The following YY1 variants were observed in gnomAD, a reference collection of about 807,000 sequenced individuals.
YY1 encodes transcriptional repressor protein YY1.
Under a neutral mutation model 35.6 loss-of-function variants are expected in YY1, and 2 were observed. That is an observed-to-expected ratio of 0.06 (90% CI 0.02 to 0.18). The LOEUF is 0.18. YY1 is among the 10% of genes least tolerant of loss of function. The pLI is 1.00. For synonymous variants in YY1, 268 were observed against 238.9 expected, an observed-to-expected ratio of 1.12 and a Z score of -1.12; for missense variants, 322 against 573.4, an observed-to-expected ratio of 0.56 and a Z score of 4.48.
intron 1 of YY1, among the ~76,000 whole-genome samples, chr14:100,259,264 G>T (rs1467491044): frequency 1.3e-5 from 2 of 152,012 alleles, no homozygotes; most frequent in African/African-American, 4.8e-5. Flanking sequence ...CAGGCACTGT[G>T]GCTCCCAGCA....
intron 1 of YY1, among the ~76,000 whole-genome samples, chr14:100,242,692 G>A (rs1322933916): frequency 6.6e-6 from 1 of 151,848 alleles, no homozygotes; most frequent in Admixed American, 6.6e-5. Flanking sequence ...CCAGCCAAGT[G>A]GCTGCTTTTA....
intron 1 of YY1, among the ~76,000 whole-genome samples, chr14:100,250,588 T>A (rs1012672517): frequency 6.6e-6 from 1 of 152,310 alleles, no homozygotes; most frequent in African/African-American, 2.4e-5. Flanking sequence ...TCATCTGATA[T>A]TAATTCTGAG....
In YY1 at chr14:100,279,723, T is replaced by C. The variant is rs1032815211; in HGVS notation, c.*2123T>C. The C allele has an allele frequency of 6.6e-6, 1 of 152,540 alleles. No individual in the cohort carries two copies. Among genetic ancestry groups the C allele is most frequent in the Non-Finnish European group, 1.5e-5 (1 of 68,304 alleles). 9.4% of individuals were successfully genotyped at this position (152,540 alleles called of 1,614,324 possible). A position where few individuals can be genotyped will look rare whatever the true frequency, so the allele number is the denominator to read the frequency against. ...CACACCTTCCCTCCCCACTGTCGGG[T>C]TGAGTAGCCCCAGCGTGGCTGTGTT... On this transcript the variant is annotated 3_prime_UTR_variant, in exon 5 of 5. Transcript: ENST00000262238.
intron 1 of YY1, among the ~76,000 whole-genome samples, chr14:100,247,753 A>C (rs1890855022): frequency 6.6e-6 from 1 of 152,138 alleles, no homozygotes; most frequent in Non-Finnish European, 1.5e-5. Context: ...GTATCTTCTC[A>C]GTAGGTTCCA....
At chr14:100,259,812 T>C (rs1891055493) in intron 1 of YY1, among the ~76,000 whole-genome samples, 1 of 151,898 alleles carries the variant, frequency 6.6e-6, no homozygotes. Flanking sequence ...AAAGGAGAAA[T>C]AGAAGGTAAG....
rs1298161669 is a variant in YY1 at position 100,272,948 on chromosome 14, T to TTTG, written c.843-1744_843-1742dup. On this transcript the variant is annotated intron_variant, in intron 2 of 4. Coordinates refer to ENST00000262238, the MANE Select transcript of YY1 (RefSeq NM_003403.5). ...CAGAGTAGTGGCCCCCAGCTAGTTT[T>TTTG]TTGTTGTTTTTTTTTTGTTTTTTTT... 3.9e-4 allele frequency among the ~76,000 whole-genome samples: 31 copies of TTTG among 80,280 alleles called. 2 individuals are homozygous for TTTG. The highest frequency in any genetic ancestry group is 8.9e-4 in the African/African-American group (14 of 15,720). The allele number at this position is 80,280 out of a possible 152,430, so 52.7% of individuals were successfully genotyped here. A position where few individuals can be genotyped will look rare whatever the true frequency, so the allele number is the denominator to read the frequency against.
intron 1 of YY1, among the ~76,000 whole-genome samples, chr14:100,256,824 T>C (rs533953336): frequency 3.3e-5 from 5 of 152,212 alleles, no homozygotes; most frequent in African/African-American, 9.6e-5. Context: ...TACATATGGT[T>C]AAAATGAGAA....
At chr14:100,261,098 A>AT (rs1595325795) in intron 1 of YY1, among the ~76,000 whole-genome samples, 1 of 151,730 alleles carries the variant, frequency 6.6e-6, no homozygotes, top group South Asian at 2.1e-4. Context: ...CACCTGGCCT[A>AT]TTTTTTGTAA....
In YY1 at chr14:100,276,439, C is replaced by G; in HGVS notation, c.904-51C>G. On this transcript the variant is annotated intron_variant, in intron 3 of 4. Coordinates refer to ENST00000262238, the MANE Select transcript of YY1 (RefSeq NM_003403.5). This position sits in a 1 kb window ranked among gnomAD's most constrained non-coding sequence, Gnocchi z 4.1. ...GTAAAGGCTGTTAAATGGTTGAATC[C>G]TTTCTAACAGTTTGCAATGTGAACT... 6.2e-7 allele frequency: 1 copy of G among 1,613,782 alleles called. No homozygotes were observed. The highest frequency in any genetic ancestry group is 8.5e-7 in the Non-Finnish European group (1 of 1,179,812).
chr14:100,271,832 CG>C (rs1406948275), intron 2 of YY1, among the ~76,000 whole-genome samples: 1 of 151,902 alleles, frequency 6.6e-6, no homozygotes, highest in Admixed American at 6.6e-5. Context: ...TTTTTAGAGA[CG>C]GGGTGTTGCT....
At chr14:100,262,118 GCACCACTGCACTC>G (rs1261523400) in intron 1 of YY1, among the ~76,000 whole-genome samples, 173 bp from the exon 2 acceptor site, 2 of 151,752 alleles carry the variant, frequency 1.3e-5, no homozygotes, top group Non-Finnish European at 2.9e-5. Context: ...TTGGGCCACT[GCACCACTGCACTC>G]CAGCCTGGGT....
At position 100,260,771 on chromosome 14, in the gene YY1, C is replaced by CTTTTTTTTT. The variant is rs71113254; in HGVS notation, c.680-1502_680-1494dup. On this transcript the variant is annotated intron_variant, in intron 1 of 4. Transcript: ENST00000262238. Reference sequence around the variant, plus strand: ...CAGGTGTGAGCCACCGTGCCTGGTCCTTTTTTTTTTTTTTTTTTTTTTTTT... The same window carrying CTTTTTTTTT: ...CAGGTGTGAGCCACCGTGCCTGGTCCTTTTTTTTTTTTTTTTTTTTTTTTTTTTTTTTTT... Among the ~76,000 whole-genome samples the CTTTTTTTTT allele has an allele frequency of 4.9e-4, 21 of 42,568 alleles. 4 individuals are homozygous for CTTTTTTTTT. Among genetic ancestry groups the CTTTTTTTTT allele is most frequent in the Non-Finnish European group, 7.4e-4 (17 of 22,954 alleles). 27.9% of individuals were successfully genotyped at this position (42,568 alleles called of 152,430 possible).
chr14:100,263,834 G>A (rs1440316773), intron 2 of YY1: 3 of 151,976 alleles, frequency 2.0e-5, no homozygotes, highest in Admixed American at 1.3e-4. Flanking sequence ...CCTGGAGCTC[G>A]TTTCCCCACC....
intron 1 of YY1, among the ~76,000 whole-genome samples, chr14:100,252,830 G>A (rs541464664): frequency 6.6e-6 from 1 of 152,246 alleles, no homozygotes; most frequent in South Asian, 2.1e-4. Context: ...TTGAGCCCAG[G>A]AGTTCAAGAC....
chr14:100,259,302 C>G (rs1398285106), intron 1 of YY1, among the ~76,000 whole-genome samples: 2 of 152,102 alleles, frequency 1.3e-5, no homozygotes, highest in East Asian at 3.9e-4. Flanking sequence ...GGGTGGATCA[C>G]GAGGTCAAGA....
In YY1 at chr14:100,277,609, G is replaced by A. The variant is rs1304671132; in HGVS notation, c.*9G>A. 10 of 1,614,044 alleles carry A rather than the reference G, an allele frequency of 6.2e-6. No homozygotes were observed. Among genetic ancestry groups the A allele is most frequent in the Non-Finnish European group, 8.5e-6 (10 of 1,179,934 alleles). ...CCAAAAACAACCAGTGAAAAGAAGA[G>A]AGAAGACCCTTCTCGACCACGGGAA... On this transcript the variant is annotated 3_prime_UTR_variant, in exon 5 of 5. Transcript: ENST00000262238. The surrounding 1 kb of genome is among the most constrained non-coding windows in gnomAD (Gnocchi z 5.6).
chr14:100,249,000 A>G (rs886733358), intron 1 of YY1, among the ~76,000 whole-genome samples: 1 of 151,100 alleles, frequency 6.6e-6, no homozygotes, highest in African/African-American at 2.4e-5. Context: ...TAAAATTCTT[A>G]ATAGCCATTC....
At chr14:100,240,172 AG>A (rs923710030) in intron 1 of YY1, among the ~76,000 whole-genome samples, 2 of 118,520 alleles carry the variant, frequency 1.7e-5, no homozygotes, top group African/African-American at 3.3e-5. Flanking sequence ...TTTCTCCGAG[AG>A]GGGGAAGCGC....
At chr14:100,254,622 A>G (rs1349877222) in intron 1 of YY1, among the ~76,000 whole-genome samples, 1 of 151,572 alleles carries the variant, frequency 6.6e-6, no homozygotes, top group Non-Finnish European at 1.5e-5. Context: ...CACACCTGCT[A>G]AATTTTGTAT....
Sources: allele counts gnomAD v4.1 joint callset (sites outside exome capture counted in the v4.1 genomes callset), GRCh38; gene constraint gnomAD v4.1.1; non-coding constraint Gnocchi (gnomAD v3.1); transcripts MANE v1.5; gene names NCBI Gene and HGNC (gene_info 2026-07-23, HGNC 2026-07-21).